Variants in RNLS observed in about 807,000 individuals in gnomAD.
RNLS encodes the protein renalase.
Under a neutral mutation model 39.8 loss-of-function variants are expected in RNLS, and 39 were observed. That is an observed-to-expected ratio of 0.98 (90% CI 0.76 to 1.28). The LOEUF is 1.28. RNLS is among the 50% of genes most tolerant of loss of function. The pLI is 0.00. For missense variants in RNLS, 410 were observed against 413.3 expected, an observed-to-expected ratio of 0.99 and a Z score of 0.07; for synonymous variants, 147 against 150.7, an observed-to-expected ratio of 0.98 and a Z score of 0.18.
At chr10:88,257,950 T>TA in the RNLS span, among the ~76,000 whole-genome samples, 148 of 151,644 alleles carry the variant, frequency 9.8e-4, 1 homozygote, top group African/African-American at 3.0e-3. Context: ...TTCCTTTACT[T>TA]AAAAAAAAAT....
At chr10:88,403,690 C>A (rs1049783918) in intron 4 of RNLS, among the ~76,000 whole-genome samples, 4 of 151,640 alleles carry the variant, frequency 2.6e-5, no homozygotes, top group African/African-American at 9.7e-5. Context: ...TTAAAGGATT[C>A]TTGTAGCTTT....
At chr10:88,346,453 AATTGCGAAGAACTCAC>A (rs1234189870) in intron 5 of RNLS, among the ~76,000 whole-genome samples, 1 of 152,158 alleles carries the variant, frequency 6.6e-6, no homozygotes, top group African/African-American at 2.4e-5. Context: ...TAATCATTCT[AATTGCGAAGAACTCAC>A]ATATGCTTTT....
chr10:88,485,462 A>G (rs937926225), intron 4 of RNLS, among the ~76,000 whole-genome samples: 2 of 151,906 alleles, frequency 1.3e-5, no homozygotes, highest in Admixed American at 6.6e-5. Flanking sequence ...TTCAAAATAG[A>G]TCATACACTT....
chr10:88,330,711 AG>A (rs1405242649), intron 5 of RNLS, among the ~76,000 whole-genome samples: 10 of 152,172 alleles, frequency 6.6e-5, no homozygotes, highest in African/African-American at 2.4e-4. Flanking sequence ...CTTATATATC[AG>A]TGATAACTAG....
chr10:88,512,170 T>G (rs964464741), intron 4 of RNLS, among the ~76,000 whole-genome samples: 2 of 152,148 alleles, frequency 1.3e-5, no homozygotes, highest in South Asian at 4.1e-4. Flanking sequence ...TTCTGATACA[T>G]AGATATCCCT....
intron 3 of RNLS, among the ~76,000 whole-genome samples, chr10:88,579,449 G>C (rs74535095): frequency 0.019 from 2,943 of 152,264 alleles, 74 homozygotes; most frequent in South Asian, 0.085. Flanking sequence ...TGGGAAAAGA[G>C]ATTCTATTTT....
At chr10:88,578,830 G>A (rs1850357354) in intron 3 of RNLS, among the ~76,000 whole-genome samples, 2 of 152,072 alleles carry the variant, frequency 1.3e-5, no homozygotes, top group African/African-American at 4.8e-5. Context: ...ATTCAAAGAT[G>A]TTTCTCTGCC....
At chr10:88,324,577 G>A (rs1846441360) in intron 5 of RNLS, among the ~76,000 whole-genome samples, 1 of 152,158 alleles carries the variant, frequency 6.6e-6, no homozygotes, top group Non-Finnish European at 1.5e-5. Flanking sequence ...GTAAGGATGG[G>A]AGTGGGGAGA....
At chr10:88,303,346 G>C (rs960036864) in intron 6 of RNLS, among the ~76,000 whole-genome samples, 1 of 152,192 alleles carries the variant, frequency 6.6e-6, no homozygotes, top group Non-Finnish European at 1.5e-5. Flanking sequence ...AGGAACTGTT[G>C]GACCTGATCT....
At chr10:88,226,122 T>C in the RNLS span, among the ~76,000 whole-genome samples, 3 of 152,224 alleles carry the variant, frequency 2.0e-5, no homozygotes, top group African/African-American at 7.2e-5. Context: ...CTCTGAGGCA[T>C]TGCTTAAAGG....
chr10:88,568,937 A>G (rs1169412397), intron 4 of RNLS, among the ~76,000 whole-genome samples: 1 of 151,332 alleles, frequency 6.6e-6, no homozygotes, highest in African/African-American at 2.4e-5. Context: ...CAAATTGTCC[A>G]TGCATACCTC....
intron 4 of RNLS, among the ~76,000 whole-genome samples, chr10:88,560,986 A>T (rs1371559743): frequency 1.3e-5 from 2 of 151,578 alleles, no homozygotes; most frequent in East Asian, 3.9e-4. Context: ...ACACACACAG[A>T]CCCATAATCC....
intron 4 of RNLS, among the ~76,000 whole-genome samples, chr10:88,495,739 T>C (rs1416215089): frequency 6.6e-6 from 1 of 151,922 alleles, no homozygotes; most frequent in African/African-American, 2.4e-5. Flanking sequence ...GGAAGGGATA[T>C]GGAAAACTGG....
chr10:88,476,229 GT>G (rs1332794672), intron 4 of RNLS, among the ~76,000 whole-genome samples: 1 of 152,098 alleles, frequency 6.6e-6, no homozygotes, highest in Non-Finnish European at 1.5e-5. Context: ...TTTTGTTTTT[GT>G]TTTGGTGGTT....
intron 4 of RNLS, among the ~76,000 whole-genome samples, chr10:88,560,959 C>G (rs1564901059): frequency 6.6e-6 from 1 of 151,846 alleles, no homozygotes; most frequent in Non-Finnish European, 1.5e-5. Context: ...CACACACACA[C>G]ACACACACAC....
Position 88,453,152 on chromosome 10 carries a change from T to G in RNLS, c.527-90427A>C, listed in dbSNP as rs79554483. Among the ~76,000 whole-genome samples the G allele has an allele frequency of 4.8e-3, 736 of 152,292 alleles. 5 individuals are homozygous for G. The highest frequency in any genetic ancestry group is 0.017 in the African/African-American group (719 of 41,550). ...ACTTATTATAAGAAGCAAGCGGGTA[T>G]GAATGGTTGCAAGGAGTACACCGTA... On this transcript the variant is annotated intron_variant, in intron 4 of 6. Transcript: ENST00000331772.
chr10:88,517,276 G>C (rs950302969), intron 4 of RNLS, among the ~76,000 whole-genome samples: 3 of 151,878 alleles, frequency 2.0e-5, no homozygotes, highest in Admixed American at 6.6e-5. Context: ...AATAAGGAAA[G>C]AATAAATGTA....
At position 88,314,539 on chromosome 10, in the gene RNLS, T is replaced by G. The variant is rs375154928; in HGVS notation, c.803A>C (p.Gln268Pro). The G allele has an allele frequency of 6.2e-7, 1 of 1,614,026 alleles. No homozygotes were observed. The highest frequency in any genetic ancestry group is 8.5e-7 in the Non-Finnish European group (1 of 1,179,898). The change falls in exon 6 of 7, where the codon CAG becomes CCG. Residue 268 changes from glutamine (Q) to proline (P), a missense_variant. Gln to Pro is a moderately conservative substitution (Grantham distance 76). Coordinates refer to ENST00000331772, the MANE Select transcript of RNLS (RefSeq NM_001031709.3). ...SIEDVQELVF[Q>P]QLENILPGLP... ...ACCCGGCAAAATGTTTTCCAGCTGC[T>G]GGAAGACTAACTCTTGCACATCCTC...
chr10:88,547,935 G>GA (rs777219369), intron 4 of RNLS, among the ~76,000 whole-genome samples: 1 of 151,838 alleles, frequency 6.6e-6, no homozygotes, highest in African/African-American at 2.4e-5. Context: ...AATAAACAAA[G>GA]AAAAAGAATC....
Sources: gnomAD v4.1 joint callset for allele counts (sites outside exome capture counted in the v4.1 genomes callset) on GRCh38, gnomAD v4.1.1 for gene constraint, MANE v1.5 for transcripts, NCBI Gene and HGNC (gene_info 2026-07-23, HGNC 2026-07-21) for gene names.